The following MBNL1 variants were observed in gnomAD, a reference collection of about 807,000 sequenced individuals.
MBNL1 encodes muscleblind-like protein 1.
Under a neutral mutation model 42.2 loss-of-function variants are expected in MBNL1, and 8 were observed. The observed-to-expected ratio is 0.19, with a 90% CI of 0.11 to 0.34. The LOEUF is 0.34. Among genes scored for constraint, MBNL1 ranks in the 10% least tolerant of loss-of-function variants. The probability of loss-of-function intolerance (pLI) is 1.00; values close to 1 mark genes in which losing one functional copy is unlikely to be tolerated. For missense variants in MBNL1, 309 were observed against 495.3 expected, an observed-to-expected ratio of 0.62 and a Z score of 3.57; for synonymous variants, 169 against 173.9, an observed-to-expected ratio of 0.97 and a Z score of 0.22.
At chr3:152,341,135 G>A (rs752828713) in intron 2 of MBNL1, 37 of 452,662 alleles carry the variant, frequency 8.2e-5, no homozygotes, top group African/African-American at 4.2e-4. Context: ...ATTAAAATGG[G>A]TAATTCTTTC....
chr3:152,377,474 A>G (rs946215315), intron 2 of MBNL1, among the ~76,000 whole-genome samples: 29 of 152,158 alleles, frequency 1.9e-4, no homozygotes, highest in African/African-American at 6.5e-4. Flanking sequence ...ATATTGTATT[A>G]TCTCTTATTT....
chr3:152,389,249 C>T (rs576462215), intron 2 of MBNL1, among the ~76,000 whole-genome samples: 14 of 152,118 alleles, frequency 9.2e-5, no homozygotes, highest in Admixed American at 3.9e-4. Flanking sequence ...TCACCATGCC[C>T]GGCTAATTTT....
At position 152,426,319 on chromosome 3, in the gene MBNL1, T is replaced by C. The variant is rs143028969; in HGVS notation, c.346-6398T>C. Among the ~76,000 whole-genome samples, 45 of 152,262 alleles carry C rather than the reference T, an allele frequency of 3.0e-4. No homozygotes were observed. In the East Asian group the frequency reaches 7.9e-3, roughly 27 times the overall value. ...TATGCCCATGTAACAAACCTGCACGTTCTGCACATGTATCCCAGAATTTAA... is the reference window on the plus strand; with the variant it reads ...TATGCCCATGTAACAAACCTGCACGCTCTGCACATGTATCCCAGAATTTAA... On this transcript the variant is annotated intron_variant, in intron 3 of 9. Coordinates refer to ENST00000324210, the MANE Select transcript of MBNL1 (RefSeq NM_021038.5).
At position 152,442,498 on chromosome 3, in the gene MBNL1, TTC is replaced by T. The variant is rs763915106; in HGVS notation, c.550-2782_550-2781del. 1.5e-4 allele frequency among the ~76,000 whole-genome samples: 23 copies of T among 152,350 alleles called. No homozygotes were observed. The East Asian group carries it at 2.3e-3, about 15-fold the overall frequency. ...TAGAATTTTCAGATTTAATTTTATA[TTC>T]TGTTTCAAATTCTCTGTATGATAAA... On this transcript the variant is annotated intron_variant, in intron 4 of 9. Transcript: ENST00000324210.
At chr3:152,313,091 C>T (rs1322794909) in intron 2 of MBNL1, among the ~76,000 whole-genome samples, 3 of 151,526 alleles carry the variant, frequency 2.0e-5, no homozygotes, top group Admixed American at 6.6e-5. Context: ...GGCACGATCT[C>T]GGCTCACTGC....
At chr3:152,396,902 A>G (rs1466246286) in intron 2 of MBNL1, among the ~76,000 whole-genome samples, 1 of 152,188 alleles carries the variant, frequency 6.6e-6, no homozygotes, top group Non-Finnish European at 1.5e-5. Flanking sequence ...TTTCTTTTCC[A>G]TGGTGGACCC....
intron 2 of MBNL1, among the ~76,000 whole-genome samples, chr3:152,320,790 A>C (rs1383858670): frequency 6.6e-6 from 1 of 151,214 alleles, no homozygotes; most frequent in Non-Finnish European, 1.5e-5. Context: ...CCAGACTATT[A>C]GTATAATTAT....
chr3:152,394,221 C>G (rs1434796), intron 2 of MBNL1, among the ~76,000 whole-genome samples: 5,079 of 152,180 alleles, frequency 0.033, 288 homozygotes, highest in African/African-American at 0.12. Context: ...TAGTCATAGT[C>G]AATTAGTGTG....
intron 6 of MBNL1, among the ~76,000 whole-genome samples, chr3:152,455,288 A>G (rs1197972565): frequency 6.6e-6 from 1 of 152,230 alleles, no homozygotes; most frequent in Non-Finnish European, 1.5e-5. Context: ...ACTTTTGTTT[A>G]TAGGCAACAA....
At position 152,268,954 on chromosome 3, in the gene MBNL1, T is replaced by C. The variant is rs1227834453; in HGVS notation, c.-928T>C. 1.1e-5 allele frequency: 5 copies of C among 456,132 alleles called. No homozygotes were observed. Among genetic ancestry groups the C allele is most frequent in the Non-Finnish European group, 2.2e-5 (5 of 226,918 alleles). 28.3% of individuals were successfully genotyped at this position (456,132 alleles called of 1,614,324 possible). The stretch of plus-strand genomic sequence containing the variant: ...AGTCTTTTCACTGCAGCTGAATGAG[T>C]TGTGGCGCCCACAATGCTCCCATGA... On this transcript the variant is annotated 5_prime_UTR_variant, in exon 1 of 10. Transcript: ENST00000324210.
At chr3:152,424,738 T>C (rs973168891) in intron 3 of MBNL1, among the ~76,000 whole-genome samples, 1 of 151,936 alleles carries the variant, frequency 6.6e-6, no homozygotes, top group Non-Finnish European at 1.5e-5. Context: ...ATATAGACCA[T>C]TGGAACAGAA....
rs550681497 is a variant in MBNL1 at position 152,359,744 on chromosome 3, G to A, written c.175-55197G>A. Among the ~76,000 whole-genome samples, 4 of 152,286 alleles carry A rather than the reference G, an allele frequency of 2.6e-5. No homozygotes were observed. The East Asian group carries it at 7.7e-4, about 29-fold the overall frequency. ...TAATTAATGTGATTGCTACATGTGA[G>A]CATAGGTGCTCCAGGCCCTTTCTTC... On this transcript the variant is annotated intron_variant, in intron 2 of 9. Coordinates refer to ENST00000324210, the MANE Select transcript of MBNL1 (RefSeq NM_021038.5).
At position 152,431,966 on chromosome 3, in the gene MBNL1, G is replaced by C. The variant is rs114633573; in HGVS notation, c.346-751G>C. ...CTGGAAGAAATTCTGTCTTGTAGCA[G>C]TTTATTCAGTGCTGCCATATGTATT... On this transcript the variant is annotated intron_variant, in intron 3 of 9. Transcript: ENST00000324210. Among the ~76,000 whole-genome samples, 844 of 152,322 alleles carry C rather than the reference G, an allele frequency of 5.5e-3. 9 individuals are homozygous for C. Among genetic ancestry groups the C allele is most frequent in the African/African-American group, 0.02 (815 of 41,566 alleles).
chr3:152,397,843 CTG>C (rs2098043889), intron 2 of MBNL1, among the ~76,000 whole-genome samples: 2 of 152,108 alleles, frequency 1.3e-5, no homozygotes, highest in African/African-American at 4.8e-5. Flanking sequence ...AATCAGTAGT[CTG>C]TAATGTGGAA....
intron 2 of MBNL1, among the ~76,000 whole-genome samples, chr3:152,314,987 T>A (rs1033439746): frequency 1.3e-5 from 2 of 152,216 alleles, no homozygotes; most frequent in African/African-American, 4.8e-5. Flanking sequence ...TATTGCCCAT[T>A]CTGTTCTGCT....
At chr3:152,329,236 A>C (rs2082465507) in intron 2 of MBNL1, among the ~76,000 whole-genome samples, 1 of 152,174 alleles carries the variant, frequency 6.6e-6, no homozygotes, top group South Asian at 2.1e-4. Flanking sequence ...TTTAAATTTT[A>C]TGTTAACAAT....
chr3:152,287,803 G>A (rs1260819333), intron 1 of MBNL1, among the ~76,000 whole-genome samples: 2 of 152,230 alleles, frequency 1.3e-5, no homozygotes, highest in African/African-American at 4.8e-5. Flanking sequence ...ATGGAAACAT[G>A]TAGAGCTTTA....
chr3:152,261,173 T>G (rs1297536107), intron 2 of MBNL1, among the ~76,000 whole-genome samples: 5 of 152,176 alleles, frequency 3.3e-5, no homozygotes, highest in Non-Finnish European at 4.4e-5. Context: ...GACGCTTGGA[T>G]GCCCCTCCCA....
intron 2 of MBNL1, among the ~76,000 whole-genome samples, chr3:152,374,614 C>G (rs1001219496): frequency 2.6e-5 from 4 of 152,084 alleles, no homozygotes; most frequent in Non-Finnish European, 5.9e-5. Context: ...GGGCAGCATA[C>G]GAATACCAGG....
Sources: gnomAD v4.1 joint callset for allele counts (sites outside exome capture counted in the v4.1 genomes callset) on GRCh38, gnomAD v4.1.1 for gene constraint, MANE v1.5 for transcripts, NCBI Gene and HGNC (gene_info 2026-07-23, HGNC 2026-07-21) for gene names.